The following PRPF38A variants were observed in gnomAD, a reference collection of about 807,000 sequenced individuals.
PRPF38A encodes the protein pre-mRNA processing factor 38A, also known as pre-mRNA-splicing factor 38A.
PRPF38A carries 11 observed loss-of-function variants against 46.8 expected under a neutral mutation model. The observed-to-expected ratio is 0.24, with a 90% CI of 0.15 to 0.39. The LOEUF is 0.39. Ranked by LOEUF, PRPF38A falls within the 10% of genes least tolerant of loss-of-function variation. The pLI is 1.00. For missense variants in PRPF38A, 261 were observed against 407.5 expected, an observed-to-expected ratio of 0.64 and a Z score of 3.10; for synonymous variants, 124 against 136.2, an observed-to-expected ratio of 0.91 and a Z score of 0.62.
chr1:52,407,166 C>T (rs1219450238), intron 2 of PRPF38A, among the ~76,000 whole-genome samples: 1 of 151,086 alleles, frequency 6.6e-6, no homozygotes, highest in Non-Finnish European at 1.5e-5. Context: ...TACAGGCGCC[C>T]ACCACTACAC....
At chr1:52,405,477 A>G (rs1236180379) in intron 1 of PRPF38A, among the ~76,000 whole-genome samples, 3 of 152,274 alleles carry the variant, frequency 2.0e-5, no homozygotes, top group Non-Finnish European at 4.4e-5. Context: ...AAGTGAGATA[A>G]TATGAAAAGC....
chr1:52,411,037 G>T (rs531021637), intron 3 of PRPF38A, 78 bp from the exon 4 acceptor site: 2 of 1,013,994 alleles, frequency 2.0e-6, no homozygotes, highest in African/African-American at 3.1e-5. Context: ...CTGATATGAA[G>T]TCTTAACACT....
Position 52,418,740 on chromosome 1 carries a change from T to G in PRPF38A, c.*2050T>G, listed in dbSNP as rs1448769762. ...AGGACAAACCTTGCTGTAAGGCTCT[T>G]TCTGTCATCTATGTGCTTGCCTATG... On this transcript the variant is annotated 3_prime_UTR_variant, in exon 10 of 10. Transcript: ENST00000257181. 1 of 152,002 alleles carries G rather than the reference T, an allele frequency of 6.6e-6. No individual in the cohort carries two copies. Among genetic ancestry groups the G allele is most frequent in the Non-Finnish European group, 1.5e-5 (1 of 67,912 alleles). The allele number at this position is 152,002 out of a possible 1,614,324, so 9.4% of individuals were successfully genotyped here. A position where few individuals can be genotyped will look rare whatever the true frequency, so the allele number is the denominator to read the frequency against.
intron 2 of PRPF38A, among the ~76,000 whole-genome samples, chr1:52,406,800 C>T (rs992821839): frequency 3.9e-5 from 6 of 152,192 alleles, no homozygotes; most frequent in African/African-American, 1.4e-4. Flanking sequence ...ACCTTCTAAA[C>T]TTTTAATCCC....
Position 52,411,190 on chromosome 1 carries a change from C to A in PRPF38A, c.488C>A (p.Pro163His). The change falls in exon 4 of 10, where the codon CCC (proline) becomes CAC (histidine). Residue 163 changes from proline to histidine, a missense_variant. Transcript: ENST00000257181. Reference sequence around the variant, plus strand: ...GAGAGAGTCTGTGATATCATTCTGCCCCGACTACAGGTAAGAAATAAAAGT... The same window carrying A: ...GAGAGAGTCTGTGATATCATTCTGCACCGACTACAGGTAAGAAATAAAAGT... ...HSERVCDIIL[P>H]RLQKRYVLEE... 6.2e-7 allele frequency: 1 copy of A among 1,611,618 alleles called. No homozygotes were observed. The highest frequency in any genetic ancestry group is 8.5e-7 in the Non-Finnish European group (1 of 1,178,110).
rs1569975368 is a variant in PRPF38A, at chr1:52,408,765, T to C, written c.412+75T>C. The C allele has an allele frequency of 2.9e-5, 44 of 1,543,258 alleles. No homozygotes were observed. The East Asian group carries it at 9.7e-4, about 34-fold the overall frequency. On this transcript the variant is annotated intron_variant, in intron 3 of 9. Coordinates refer to ENST00000257181, the MANE Select transcript of PRPF38A (RefSeq NM_032864.4). Reference sequence around the variant, plus strand: ...TTTTACCAGTACTTCTACCTTTGCATTGTCATAGACAGTGTGAATGCTCCT... The same window carrying C: ...TTTTACCAGTACTTCTACCTTTGCACTGTCATAGACAGTGTGAATGCTCCT...
At chr1:52,405,491 G>C (rs12568756) in intron 1 of PRPF38A, among the ~76,000 whole-genome samples, 189 bp from the exon 2 acceptor site, 2 of 152,174 alleles carry the variant, frequency 1.3e-5, no homozygotes, top group Non-Finnish European at 2.9e-5. Flanking sequence ...GAAAAGCTTA[G>C]CAGGGTACCT....
At chr1:52,408,891 CTCTG>C in intron 3 of PRPF38A, 2 of 501,408 alleles carry the variant, frequency 4.0e-6, no homozygotes, top group African/African-American at 1.9e-5. Flanking sequence ...CCCAGCCTGC[CTCTG>C]TCTGTCTCCC....
At chr1:52,407,149 C>G (rs934076607) in intron 2 of PRPF38A, among the ~76,000 whole-genome samples, 1 of 150,956 alleles carries the variant, frequency 6.6e-6, no homozygotes, top group African/African-American at 2.4e-5. Context: ...TCCCAAGTAG[C>G]TGGGACTACA....
chr1:52,419,356 C>CAA lies in PRPF38A; in HGVS notation c.*2681_*2682dup, dbSNP rs58201258. The CAA allele has an allele frequency of 2.9e-4, 27 of 92,346 alleles. No homozygotes were observed. The highest frequency in any genetic ancestry group is 8.6e-4 in the African/African-American group (24 of 28,008). The allele number at this position is 92,346 out of a possible 1,614,324, so 5.7% of individuals were successfully genotyped here. A position where few individuals can be genotyped will look rare whatever the true frequency, so the allele number is the denominator to read the frequency against. ...GGGCAAAAAGAGCGAAACTCCATCTCAAAAAAAAAAAAAAAAGAAGAAGAA... is the reference window on the plus strand; with the variant it reads ...GGGCAAAAAGAGCGAAACTCCATCTCAAAAAAAAAAAAAAAAAAGAAGAAGAA... On this transcript the variant is annotated 3_prime_UTR_variant, in exon 10 of 10. Transcript: ENST00000257181.
At chr1:52,414,122 A>C in intron 6 of PRPF38A, 131 bp downstream of exon 6, 1 of 634,688 alleles carries the variant, frequency 1.6e-6, no homozygotes, top group Non-Finnish European at 2.8e-6. Flanking sequence ...TGTTGCTGCA[A>C]AACAACCACC....
In PRPF38A at chr1:52,414,787, C is replaced by T. The variant is rs778706873; in HGVS notation, c.775C>T (p.Arg259Trp). Reference protein sequence around the residue: ...RSPSPRRERHRSKSPRRHRSR... With the variant: ...RSPSPRRERHWSKSPRRHRSR... ...CCCCTCCCCTCGCCGAGAAAGGCATCGGAGCAAGAGTCCAAGACGTCACCG... is the reference window on the plus strand; with the variant it reads ...CCCCTCCCCTCGCCGAGAAAGGCATTGGAGCAAGAGTCCAAGACGTCACCG... Residue 259 changes from arginine (R) to tryptophan (W), a missense_variant, in exon 8 of 10, where the codon CGG becomes TGG. Arg to Trp is a moderately radical substitution (Grantham distance 101). Transcript: ENST00000257181. 32 of 1,614,138 alleles carry T rather than the reference C, an allele frequency of 2.0e-5. No homozygotes were observed. Among genetic ancestry groups the T allele is most frequent in the East Asian group, 4.5e-5 (2 of 44,882 alleles).
intron 3 of PRPF38A, chr1:52,409,181 C>T (rs559309066): frequency 6.5e-6 from 1 of 154,542 alleles, no homozygotes; most frequent in Admixed American, 6.4e-5. Flanking sequence ...AGCTCCATAC[C>T]TTCTACAAGG....
chr1:52,412,680 T>A, intron 5 of PRPF38A, 56 bp downstream of exon 5: 1 of 1,188,376 alleles, frequency 8.4e-7, no homozygotes, highest in South Asian at 1.3e-5. Context: ...AAAATGGGAA[T>A]GGTTTTTTGT....
chr1:52,417,916 C>G lies in PRPF38A; in HGVS notation c.*1226C>G, dbSNP rs1421193135. ...AGAAGCAAAGGAAGGACTAAAAAGC[C>G]TCCACGGACATCGATAATCAAGAGA... On this transcript the variant is annotated 3_prime_UTR_variant, in exon 10 of 10. Transcript: ENST00000257181. The G allele has an allele frequency of 6.6e-6, 1 of 152,574 alleles. No individual in the cohort carries two copies. The highest frequency in any genetic ancestry group is 1.5e-5 in the Non-Finnish European group (1 of 68,038). 9.5% of individuals were successfully genotyped at this position (152,574 alleles called of 1,614,324 possible).
chr1:52,409,845 GCT>G (rs1445387326), intron 3 of PRPF38A, among the ~76,000 whole-genome samples: 1 of 151,886 alleles, frequency 6.6e-6, no homozygotes, highest in Non-Finnish European at 1.5e-5. Context: ...GTGAGGATTG[GCT>G]TGTGCATCAT....
In PRPF38A at chr1:52,404,951, C is replaced by T. The variant is rs151310091; in HGVS notation, c.130+72C>T. 1,380 of 1,563,116 alleles carry T rather than the reference C, an allele frequency of 8.8e-4. 3 individuals are homozygous for T. Among genetic ancestry groups the T allele is most frequent in the Non-Finnish European group, 1.1e-3 (1,319 of 1,150,314 alleles). ...TTCTCCTGACCGAGCGCGGGTAGGA[C>T]TAGCGACTGGCCTCTGGGGGTGGTA... On this transcript the variant is annotated intron_variant, in intron 1 of 9. Coordinates refer to ENST00000257181, the MANE Select transcript of PRPF38A (RefSeq NM_032864.4).
intron 3 of PRPF38A, 124 bp downstream of exon 3, chr1:52,408,814 C>T: frequency 8.1e-7 from 1 of 1,235,530 alleles, no homozygotes; most frequent in Admixed American, 2.2e-5. Context: ...GTTACTGTCT[C>T]TATGCAGGTT....
rs750093897 is a variant in PRPF38A at position 52,404,690 on chromosome 1, C to T, written c.-60C>T. ...TTCTCCATTCCTCTAGGTGCTTTTT[C>T]TGAACCTGGATGTGAGGCATTAAAG... On this transcript the variant is annotated 5_prime_UTR_variant, in exon 1 of 10. Transcript: ENST00000257181. The T allele has an allele frequency of 8.7e-5, 136 of 1,568,292 alleles. No individual in the cohort carries two copies. Among genetic ancestry groups the T allele is most frequent in the Non-Finnish European group, 1.2e-4 (134 of 1,157,990 alleles).
Sources: allele counts gnomAD v4.1 joint callset (sites outside exome capture counted in the v4.1 genomes callset), GRCh38; gene constraint gnomAD v4.1.1; transcripts MANE v1.5; gene names NCBI Gene and HGNC (gene_info 2026-07-23, HGNC 2026-07-21).